The following RYR2 variants were observed in gnomAD, a reference collection of about 807,000 sequenced individuals.
The protein encoded by RYR2 is ryanodine receptor 2.
In RYR2, 227 loss-of-function variants were observed where a neutral mutation model predicts 601.1. The ratio of observed to expected loss-of-function variants is 0.38; its 90% CI spans 0.34 to 0.42. RYR2 has a LOEUF of 0.42. Among genes scored for constraint, RYR2 ranks in the 10% least tolerant of loss-of-function variants. RYR2 has a pLI of 1.00. For missense variants in RYR2, 4,646 were observed against 6,156.5 expected (o/e 0.75, Z 8.21); for synonymous variants, 2,223 against 2,175.1 (o/e 1.02, Z -0.61).
chr1:237,677,611 C>G (rs769087486), intron 60 of RYR2, among the ~76,000 whole-genome samples: 4 of 152,146 alleles, frequency 2.6e-5, no homozygotes, highest in Non-Finnish European at 5.9e-5. Flanking sequence ...CTTTCGGTCA[C>G]ACGAAGAGGC....
chr1:237,049,384 A>G (rs953997688), intron 1 of RYR2, among the ~76,000 whole-genome samples: 11 of 152,072 alleles, frequency 7.2e-5, no homozygotes, highest in Non-Finnish European at 7.4e-5. Flanking sequence ...GAACATTGGG[A>G]TGAGGACCCT....
intron 11 of RYR2, among the ~76,000 whole-genome samples, chr1:237,422,465 CT>C (rs1705694719): frequency 6.6e-6 from 1 of 151,950 alleles, no homozygotes; most frequent in Non-Finnish European, 1.5e-5. Context: ...TTTTTCCTGA[CT>C]TTTTTAGAAT....
chr1:237,617,771 A>G (rs1311858421), intron 38 of RYR2, among the ~76,000 whole-genome samples: 2 of 152,128 alleles, frequency 1.3e-5, no homozygotes, highest in African/African-American at 4.8e-5. Context: ...TTCAACCACA[A>G]ATGGGTCTTC....
rs146416232 is a variant in RYR2, at chr1:237,205,624, C to A, written c.49-64873C>A. Among the ~76,000 whole-genome samples the A allele has an allele frequency of 3.1e-4, 47 of 152,320 alleles. 2 individuals are homozygous for A. The East Asian group carries it at 8.9e-3, about 29-fold the overall frequency. Reference sequence around the variant, plus strand: ...TGGTGGTGGCCTCACATCACCTATGCCTGAGGCCAGTCCTGGATTGCCCCA... The same window carrying A: ...TGGTGGTGGCCTCACATCACCTATGACTGAGGCCAGTCCTGGATTGCCCCA... On this transcript the variant is annotated intron_variant, in intron 1 of 104. Coordinates refer to ENST00000366574, the MANE Select transcript of RYR2 (RefSeq NM_001035.3).
In RYR2 at chr1:237,451,580, C is replaced by CAAAA. The variant is rs3035864; in HGVS notation, c.1293-2796_1293-2793dup. 4.2e-4 allele frequency among the ~76,000 whole-genome samples: 51 copies of CAAAA among 120,024 alleles called. 2 individuals carry two copies. Among genetic ancestry groups the CAAAA allele is most frequent in the African/African-American group, 1.4e-3 (44 of 31,548 alleles). 78.7% of individuals were successfully genotyped at this position (120,024 alleles called of 152,430 possible). ...TGGGTGACAGAGTGAAACTCTGTCT[C>CAAAA]AAAAAAAAAAAAAAAAAATTGAAGT... is the stretch of plus-strand genomic sequence containing the variant. On this transcript the variant is annotated intron_variant, in intron 14 of 104. Transcript: ENST00000366574.
At chr1:237,602,252 A>C (rs1193785202) in intron 35 of RYR2, 141 bp downstream of exon 35, 10 of 606,602 alleles carry the variant, frequency 1.6e-5, no homozygotes, top group African/African-American at 7.6e-5. Context: ...GCCATGCTTG[A>C]AAATCTCTTT....
chr1:237,192,725 T>C (rs1318791012), intron 1 of RYR2, among the ~76,000 whole-genome samples: 1 of 152,116 alleles, frequency 6.6e-6, no homozygotes. Flanking sequence ...CGCTAAGGGG[T>C]TTAGAACAGA....
intron 38 of RYR2, among the ~76,000 whole-genome samples, chr1:237,619,669 A>G (rs1289663135): frequency 6.6e-6 from 1 of 152,010 alleles, no homozygotes; most frequent in Non-Finnish European, 1.5e-5. Context: ...ACCGAGACAC[A>G]TCATAGTCAA....
At chr1:237,762,076 GT>G (rs1320866493) in intron 84 of RYR2, among the ~76,000 whole-genome samples, 1 of 152,088 alleles carries the variant, frequency 6.6e-6, no homozygotes, top group East Asian at 1.9e-4. Context: ...CTACCACTAT[GT>G]GGCTCCCGTG....
intron 20 of RYR2, among the ~76,000 whole-genome samples, chr1:237,497,888 G>GTCTT (rs984401379): frequency 6.6e-6 from 1 of 151,732 alleles, no homozygotes. Context: ...TCGAGACAGA[G>GTCTT]TCTTGCTCTG....
At chr1:237,785,862 G>T in intron 90 of RYR2, 107 bp from the exon 91 acceptor site, 1 of 790,854 alleles carries the variant, frequency 1.3e-6, no homozygotes. Context: ...ATAAGCAAGA[G>T]GGTATCTTAT....
At chr1:237,616,955 A>G (rs1171026786) in intron 37 of RYR2, among the ~76,000 whole-genome samples, 1 of 152,176 alleles carries the variant, frequency 6.6e-6, no homozygotes, top group African/African-American at 2.4e-5. Context: ...CGAGAACAGC[A>G]TGGGGGAAGA....
chr1:237,321,789 G>C (rs1406485829), intron 2 of RYR2, among the ~76,000 whole-genome samples: 1 of 152,172 alleles, frequency 6.6e-6, no homozygotes, highest in Admixed American at 6.5e-5. Flanking sequence ...GTTCTTTAGA[G>C]GGGATCTTCA....
chr1:237,380,728 G>A lies in RYR2; in HGVS notation c.576+3293G>A, dbSNP rs185699171. On this transcript the variant is annotated intron_variant, in intron 8 of 104. Coordinates refer to ENST00000366574, the MANE Select transcript of RYR2 (RefSeq NM_001035.3). ...AGGCCAAGGCGGGAGGATCACTTTA[G>A]GCCAGGAGTTTAAGACCAGCATAGC... is the stretch of plus-strand genomic sequence containing the variant. Among the ~76,000 whole-genome samples the A allele has an allele frequency of 6.6e-5, 10 of 151,822 alleles. No individual in the cohort carries two copies. In the East Asian group the frequency reaches 2.0e-3, roughly 30 times the overall value.
rs1180462456 is a variant in RYR2 at position 237,730,267 on chromosome 1, G to T, written c.10846G>T (p.Ala3616Ser). ...ATTGTGCTTACCTTTCAGGCATCGG[G>T]CTGTCAATCTCTTTCTTCAGGGATA... ...APLYNLPRHR[A>S]VNLFLQGYEK... Residue 3616 changes from alanine (A) to serine (S), a missense_variant, in exon 77 of 105, where the codon GCT (alanine) becomes TCT (serine). Ala to Ser is a moderately conservative substitution (Grantham distance 99, BLOSUM62 1). Around this residue, in one of 17 missense-constraint regions of RYR2, gnomAD observed 1,497 missense variants for 1,842.6 expected, o/e 0.81. Transcript: ENST00000366574. 1.3e-6 allele frequency: 2 copies of T among 1,598,390 alleles called. No individual in the cohort carries two copies. Among genetic ancestry groups the T allele is most frequent in the Non-Finnish European group, 8.6e-7 (1 of 1,166,092 alleles).
chr1:237,459,114 A>T (rs930916390), intron 16 of RYR2, among the ~76,000 whole-genome samples: 2 of 152,274 alleles, frequency 1.3e-5, no homozygotes, highest in South Asian at 4.1e-4. Context: ...TTGCAAATGC[A>T]GAAGTTATAG....
At chr1:237,454,717 G>A (rs1284847246) in intron 15 of RYR2, 143 bp downstream of exon 15, 2 of 687,640 alleles carry the variant, frequency 2.9e-6, no homozygotes, top group Admixed American at 5.7e-5. Context: ...AGGAGAAACA[G>A]GCCTTAGAGA....
chr1:237,647,381 C>T (rs2148783657), intron 48 of RYR2, among the ~76,000 whole-genome samples: 1 of 152,066 alleles, frequency 6.6e-6, no homozygotes, highest in East Asian at 1.9e-4. Context: ...CAGTACCCGA[C>T]AACAGCACAA....
At chr1:237,643,505 A>G in intron 48 of RYR2, 58 bp downstream of exon 48, 2 of 1,608,382 alleles carry the variant, frequency 1.2e-6, no homozygotes, top group Non-Finnish European at 1.7e-6. Context: ...ATCATGTTCT[A>G]AAGAATGTTT....
Sources: allele counts gnomAD v4.1 joint callset (sites outside exome capture counted in the v4.1 genomes callset), GRCh38; gene constraint gnomAD v4.1.1; regional missense constraint gnomAD v4.1.1; transcripts MANE v1.5; gene names NCBI Gene and HGNC (gene_info 2026-07-23, HGNC 2026-07-21).